FLI1: variants seen among roughly 807,000 people sequenced by gnomAD.
The protein encoded by FLI1 is Fli-1 proto-oncogene, ETS transcription factor, also known as Friend leukemia integration 1 transcription factor.
FLI1 carries 13 observed loss-of-function variants against 53.1 expected under a neutral mutation model. The ratio of observed to expected loss-of-function variants is 0.24; its 90% CI spans 0.16 to 0.39. The LOEUF is 0.39. FLI1 is among the 10% of genes least tolerant of loss of function. The pLI, the probability that FLI1 is intolerant of heterozygous loss-of-function variation, is 1.00. For missense variants in FLI1, 424 were observed against 600.5 expected (o/e 0.71, Z 3.07); for synonymous variants, 244 against 236.7 (o/e 1.03, Z -0.28).
chr11:128,694,190 G>T lies in FLI1; in HGVS notation c.-69G>T. 1 of 1,498,992 alleles carries T rather than the reference G, an allele frequency of 6.7e-7. No homozygotes were observed. The highest frequency in any genetic ancestry group is 8.9e-7 in the Non-Finnish European group (1 of 1,123,882). 92.9% of individuals were successfully genotyped at this position (1,498,992 alleles called of 1,614,324 possible). On this transcript the variant is annotated 5_prime_UTR_variant, in exon 1 of 9. Coordinates refer to ENST00000527786, the MANE Select transcript of FLI1 (RefSeq NM_002017.5). ...GGCCGCGCCGGGCTAATCCGAAGGGGCTGCGAGGTCAGGCTGTAACCGGGT... is the reference window on the plus strand; with the variant it reads ...GGCCGCGCCGGGCTAATCCGAAGGGTCTGCGAGGTCAGGCTGTAACCGGGT...
At chr11:128,715,727 G>T (rs539292584) in intron 1 of FLI1, among the ~76,000 whole-genome samples, 1 of 152,222 alleles carries the variant, frequency 6.6e-6, no homozygotes, top group South Asian at 2.1e-4. Flanking sequence ...CACCCGTAAA[G>T]GTCATGCTTT....
intron 1 of FLI1, among the ~76,000 whole-genome samples, chr11:128,699,619 G>A (rs371914513): frequency 7.2e-5 from 11 of 152,204 alleles, no homozygotes; most frequent in South Asian, 2.1e-4. Flanking sequence ...TATCTATAGC[G>A]TTCTTCCCAT....
At chr11:128,710,669 AATTT>A (rs1378956085) in intron 1 of FLI1, among the ~76,000 whole-genome samples, 2 of 152,228 alleles carry the variant, frequency 1.3e-5, no homozygotes, top group Non-Finnish European at 2.9e-5. Context: ...CCTTGCAGAA[AATTT>A]ATTTGTCTAT....
intron 5 of FLI1, chr11:128,803,899 C>T (rs1942702774): frequency 6.6e-6 from 1 of 152,106 alleles, no homozygotes; most frequent in Non-Finnish European, 1.5e-5. Context: ...AAGAAGAATC[C>T]CTTTAGAGGA....
chr11:128,742,698 A>G (rs773470025), intron 1 of FLI1, among the ~76,000 whole-genome samples: 7 of 152,272 alleles, frequency 4.6e-5, no homozygotes, highest in Admixed American at 1.3e-4. Context: ...CGTCACAGTC[A>G]TCTCCCCTGG....
At chr11:128,724,190 C>A (rs1403659231) in intron 1 of FLI1, among the ~76,000 whole-genome samples, 2 of 152,106 alleles carry the variant, frequency 1.3e-5, no homozygotes, top group African/African-American at 2.4e-5. Context: ...GGTGATCCAC[C>A]CGCCTTGGCC....
intron 5 of FLI1, among the ~76,000 whole-genome samples, chr11:128,796,737 G>A (rs763517582): frequency 6.6e-6 from 1 of 152,224 alleles, no homozygotes; most frequent in Non-Finnish European, 1.5e-5. Context: ...CACTTTGGGA[G>A]GCTGAGGTGA....
In FLI1 at chr11:128,764,463, C is replaced by T. The variant is rs539751789; in HGVS notation, c.231-3655C>T. ...CCTTGGGGCCACCGCCACCTCCCTG[C>T]TCTATTGTGGCAGCCCCAGGCTCTC... On this transcript the variant is annotated intron_variant, in intron 2 of 8. Transcript: ENST00000527786. Among the ~76,000 whole-genome samples the T allele has an allele frequency of 5.9e-5, 9 of 152,340 alleles. No homozygotes were observed. In the East Asian group the frequency reaches 1.5e-3, roughly 26 times the overall value.
intron 6 of FLI1, chr11:128,806,952 T>C (rs989321817): frequency 2.6e-6 from 1 of 390,260 alleles, no homozygotes; most frequent in African/African-American, 2.1e-5. Context: ...GTCTCTCCCA[T>C]TGGAATGCGA....
chr11:128,802,822 G>A (rs994021921), intron 5 of FLI1, among the ~76,000 whole-genome samples: 3 of 152,200 alleles, frequency 2.0e-5, no homozygotes, highest in South Asian at 2.1e-4. Context: ...ATGGTCATCC[G>A]CCCTCTGTTG....
Position 128,768,173 on chromosome 11 carries a change from G to T in FLI1, c.286G>T (p.Glu96Ter). Reference sequence around the variant, plus strand: ...ATGCAGCAAGCTGGTGGGCGGAGGCGAGTCCAACCCCATGAACTACAACAG... The same window carrying T: ...ATGCAGCAAGCTGGTGGGCGGAGGCTAGTCCAACCCCATGAACTACAACAG... ...SKCSKLVGGG[E>*]SNPMNYNSYM... Residue 96 changes from glutamate (E) to a stop codon, truncating the protein, a stop_gained, in exon 3 of 9, where the codon GAG (glutamate) becomes TAG (stop). Coordinates refer to ENST00000527786, the MANE Select transcript of FLI1 (RefSeq NM_002017.5). LOFTEE classifies it high-confidence loss of function. 1 of 1,613,810 alleles carries T rather than the reference G, an allele frequency of 6.2e-7. No homozygotes were observed. The highest frequency in any genetic ancestry group is 8.5e-7 in the Non-Finnish European group (1 of 1,179,818).
intron 5 of FLI1, among the ~76,000 whole-genome samples, chr11:128,785,394 T>C (rs1291170421): frequency 6.6e-6 from 1 of 150,986 alleles, no homozygotes; most frequent in Non-Finnish European, 1.5e-5. Context: ...GAAAGTGGGG[T>C]TCAGCACTAT....
chr11:128,774,702 G>A (rs1941681301), intron 4 of FLI1, among the ~76,000 whole-genome samples: 2 of 152,228 alleles, frequency 1.3e-5, no homozygotes, highest in African/African-American at 4.8e-5. Flanking sequence ...CTCTTCGGCG[G>A]ATGCCCTTGT....
intron 5 of FLI1, 172 bp from the exon 6 acceptor site, chr11:128,805,192 CAG>C (rs1942744368): frequency 2.1e-6 from 1 of 484,584 alleles, no homozygotes; most frequent in East Asian, 3.4e-5. Flanking sequence ...TTCTGAAAGT[CAG>C]AGTGTTAATA....
At chr11:128,722,065 C>T (rs371286822) in intron 1 of FLI1, among the ~76,000 whole-genome samples, 22 of 152,216 alleles carry the variant, frequency 1.4e-4, no homozygotes, top group African/African-American at 4.3e-4. Context: ...AGACCCACCC[C>T]GCAGAAACCT....
At chr11:128,760,682 C>A (rs922427370) in intron 2 of FLI1, among the ~76,000 whole-genome samples, 7 of 152,018 alleles carry the variant, frequency 4.6e-5, no homozygotes, top group Non-Finnish European at 8.8e-5. Flanking sequence ...CACATGGCAC[C>A]ACACCTGGCA....
At chr11:128,718,851 G>T (rs1704276285) in intron 1 of FLI1, among the ~76,000 whole-genome samples, 1 of 152,082 alleles carries the variant, frequency 6.6e-6, no homozygotes, top group Non-Finnish European at 1.5e-5. Context: ...AGCAGCTGAG[G>T]TTAGACTCAG....
chr11:128,767,310 A>G (rs1175043907), intron 2 of FLI1, among the ~76,000 whole-genome samples: 1 of 152,202 alleles, frequency 6.6e-6, no homozygotes, highest in Non-Finnish European at 1.5e-5. Flanking sequence ...CCACCTCTCC[A>G]TCAGGTGGAA....
rs199964400 is a variant in FLI1, at chr11:128,768,095, G to A, written c.231-23G>A. On this transcript the variant is annotated intron_variant, in intron 2 of 8. Coordinates refer to ENST00000527786, the MANE Select transcript of FLI1 (RefSeq NM_002017.5). ...GCCCTGTCAGTGCTGACCGCCTCTG[G>A]GCTTTGTCTCTTCTCACTTTAGGGA... is the stretch of plus-strand genomic sequence containing the variant. 1.1e-3 allele frequency: 1,736 copies of A among 1,594,684 alleles called. 4 individuals are homozygous for A. In the Middle Eastern group the frequency reaches 0.013, roughly 12 times the overall value.
Sources: gnomAD v4.1 joint callset for allele counts (sites outside exome capture counted in the v4.1 genomes callset) on GRCh38, gnomAD v4.1.1 for gene constraint, MANE v1.5 for transcripts, NCBI Gene and HGNC (gene_info 2026-07-23, HGNC 2026-07-21) for gene names.